The following NEK11 variants were observed in gnomAD, a reference collection of about 807,000 sequenced individuals.
The protein encoded by NEK11 is NIMA related kinase 11, also known as serine/threonine-protein kinase Nek11.
NEK11 carries 72 observed loss-of-function variants against 80.7 expected under a neutral mutation model. The observed-to-expected ratio is 0.89, with a 90% CI of 0.74 to 1.08. NEK11 has a LOEUF of 1.08. Ranked by LOEUF, NEK11 falls within the 50% of genes least tolerant of loss-of-function variation. The probability of loss-of-function intolerance (pLI) is 0.00; values close to 1 mark genes in which losing one functional copy is unlikely to be tolerated. For missense variants in NEK11, 764 were observed against 763.6 expected, an observed-to-expected ratio of 1.00 and a Z score of -0.01; for synonymous variants, 251 against 260.7, an observed-to-expected ratio of 0.96 and a Z score of 0.36.
At chr3:131,127,358 G>A (rs144601686) in intron 5 of NEK11, among the ~76,000 whole-genome samples, 1 of 151,860 alleles carries the variant, frequency 6.6e-6, no homozygotes, top group Non-Finnish European at 1.5e-5. Flanking sequence ...CTCTTCTGCT[G>A]TGTCTAATTT....
intron 12 of NEK11, among the ~76,000 whole-genome samples, 153 bp from the exon 13 acceptor site, chr3:131,168,677 C>A (rs541402204): frequency 6.6e-6 from 1 of 152,240 alleles, no homozygotes; most frequent in Non-Finnish European, 1.5e-5. Flanking sequence ...TCTTATAATC[C>A]CTCTGCTAAT....
chr3:131,250,093 G>A lies in NEK11; in HGVS notation c.1621+6597G>A, dbSNP rs531348466. Reference sequence around the variant, plus strand: ...CAAATCATACAGAGAATAAGAAAGAGCTCTTAAAGTTATAATTTTAATGGC... The same window carrying A: ...CAAATCATACAGAGAATAAGAAAGAACTCTTAAAGTTATAATTTTAATGGC... On this transcript the variant is annotated intron_variant, in intron 16 of 17. Coordinates refer to ENST00000383366, the MANE Select transcript of NEK11 (RefSeq NM_024800.5). Among the ~76,000 whole-genome samples the A allele has an allele frequency of 5.7e-4, 87 of 152,114 alleles. 2 individuals are homozygous for A. Among genetic ancestry groups the A allele is most frequent in the Middle Eastern group, 3.4e-3 (1 of 294 alleles).
At chr3:131,248,413 A>C (rs1037153802) in intron 16 of NEK11, among the ~76,000 whole-genome samples, 1 of 152,040 alleles carries the variant, frequency 6.6e-6, no homozygotes, top group Non-Finnish European at 1.5e-5. Flanking sequence ...AGTACATGAG[A>C]TTTTTTAAAT....
At chr3:131,119,703 T>C (rs1488388098) in intron 5 of NEK11, among the ~76,000 whole-genome samples, 1 of 152,254 alleles carries the variant, frequency 6.6e-6, no homozygotes, top group South Asian at 2.1e-4. Flanking sequence ...CTTGTTGCAT[T>C]GATCCATTTA....
At chr3:131,051,519 G>C (rs1333739915) in intron 3 of NEK11, among the ~76,000 whole-genome samples, 1 of 152,126 alleles carries the variant, frequency 6.6e-6, no homozygotes, top group Non-Finnish European at 1.5e-5. Context: ...TTTACCAAAT[G>C]GAATGAAGGC....
At chr3:131,323,585 C>T (rs2096921101) in intron 17 of NEK11, among the ~76,000 whole-genome samples, 1 of 152,176 alleles carries the variant, frequency 6.6e-6, no homozygotes. Flanking sequence ...AAAGGAGAGG[C>T]ATAATAAAGG....
At chr3:131,102,503 C>T (rs571570937) in intron 4 of NEK11, among the ~76,000 whole-genome samples, 52 of 152,264 alleles carry the variant, frequency 3.4e-4, no homozygotes, top group Middle Eastern at 6.8e-3. Flanking sequence ...GAAAATAGTA[C>T]CCCAATCTCT....
intron 3 of NEK11, among the ~76,000 whole-genome samples, chr3:131,032,726 A>G (rs977844442): frequency 2.0e-5 from 3 of 152,224 alleles, no homozygotes; most frequent in Admixed American, 6.5e-5. Context: ...CTTTAAAATG[A>G]GTATAATACC....
chr3:131,034,998 C>T (rs1217649270), intron 3 of NEK11, among the ~76,000 whole-genome samples: 1 of 152,138 alleles, frequency 6.6e-6, no homozygotes, highest in Non-Finnish European at 1.5e-5. Flanking sequence ...TAACTGTGAT[C>T]GTACACCTTG....
chr3:131,277,687 G>C (rs999778666), intron 17 of NEK11, among the ~76,000 whole-genome samples: 1 of 152,218 alleles, frequency 6.6e-6, no homozygotes, highest in Non-Finnish European at 1.5e-5. Context: ...CAGGCATAGA[G>C]TAGACCCTAG....
At chr3:131,123,333 A>G (rs1220663109) in intron 5 of NEK11, among the ~76,000 whole-genome samples, 1 of 152,020 alleles carries the variant, frequency 6.6e-6, no homozygotes, top group African/African-American at 2.4e-5. Flanking sequence ...TGCCCGTCTA[A>G]TTTTTGTATT....
chr3:131,170,730 C>T lies in NEK11; in HGVS notation c.1285-43C>T, dbSNP rs201097845. The T allele has an allele frequency of 6.7e-4, 802 of 1,199,612 alleles. 4 individuals carry two copies. The African/African-American group carries it at 9.4e-3, about 14-fold the overall frequency. The allele number at this position is 1,199,612 out of a possible 1,614,324, so 74.3% of individuals were successfully genotyped here. ...TTTTTCATTTGTGGTAGTGCTGTTT[C>T]CTTCTATCAGCATCTCATGAATTGT... On this transcript the variant is annotated intron_variant, in intron 13 of 17. Transcript: ENST00000383366.
chr3:131,211,253 A>G (rs1194285417), intron 14 of NEK11, among the ~76,000 whole-genome samples: 1 of 152,194 alleles, frequency 6.6e-6, no homozygotes, highest in Non-Finnish European at 1.5e-5. Context: ...GCTGGATATG[A>G]AATTCTAGGT....
chr3:131,335,732 C>T (rs2097171223), intron 17 of NEK11, among the ~76,000 whole-genome samples: 1 of 152,052 alleles, frequency 6.6e-6, no homozygotes, highest in South Asian at 2.1e-4. Flanking sequence ...CTGTCTCAGC[C>T]CAAAATCTCC....
chr3:131,273,330 C>T (rs1483736476), intron 16 of NEK11, 148 bp from the exon 17 acceptor site: 11 of 590,928 alleles, frequency 1.9e-5, no homozygotes, highest in South Asian at 4.1e-5. Context: ...TCTTAATGTG[C>T]GTGTTATAAT....
At position 131,267,086 on chromosome 3, in the gene NEK11, G is replaced by A. The variant is rs148665478; in HGVS notation, c.1622-6392G>A. Among the ~76,000 whole-genome samples, 284 of 152,254 alleles carry A rather than the reference G, an allele frequency of 1.9e-3. 2 individuals are homozygous for A. Among genetic ancestry groups the A allele is most frequent in the African/African-American group, 6.3e-3 (262 of 41,550 alleles). ...TTATTTTGAGCCTATGTGTGTCTCT[G>A]CATGTGAGATGGGTCTCCTGAATAC... On this transcript the variant is annotated intron_variant, in intron 16 of 17. Transcript: ENST00000383366.
At chr3:131,324,419 T>G (rs1355646299) in intron 17 of NEK11, among the ~76,000 whole-genome samples, 7 of 152,236 alleles carry the variant, frequency 4.6e-5, no homozygotes, top group Non-Finnish European at 7.4e-5. Context: ...TGAGAAATTC[T>G]TCCAACTTTA....
rs574869849 is a variant in NEK11 at position 131,269,397 on chromosome 3, A to G, written c.1622-4081A>G. Among the ~76,000 whole-genome samples the G allele has an allele frequency of 2.6e-4, 40 of 152,332 alleles. 1 individual carries two copies. The South Asian group carries it at 7.9e-3, about 30-fold the overall frequency. On this transcript the variant is annotated intron_variant, in intron 16 of 17. Transcript: ENST00000383366. ...GCTTGAAACCCAGGGCCCTGGTGGC[A>G]TAGGCACCCGAGGGAATCTCCTGGT...
chr3:131,181,912 T>C (rs879701804), intron 14 of NEK11, among the ~76,000 whole-genome samples: 3 of 151,848 alleles, frequency 2.0e-5, no homozygotes, highest in Non-Finnish European at 2.9e-5. Flanking sequence ...GTTTTTTTTG[T>C]TGAAGTGATT....
Sources: allele counts gnomAD v4.1 joint callset (sites outside exome capture counted in the v4.1 genomes callset), GRCh38; gene constraint gnomAD v4.1.1; transcripts MANE v1.5; gene names NCBI Gene and HGNC (gene_info 2026-07-23, HGNC 2026-07-21).